Variants in HDAC9 observed in about 807,000 individuals in gnomAD.
The protein encoded by HDAC9 is MEF-2 interacting transcription repressor (MITR) protein.
Under a neutral mutation model 139.4 loss-of-function variants are expected in HDAC9, and 41 were observed. That is an observed-to-expected ratio of 0.29 (90% CI 0.23 to 0.38). The LOEUF (loss-of-function observed/expected upper bound fraction) is 0.38. Among genes scored for constraint, HDAC9 ranks in the 10% least tolerant of loss-of-function variants. The pLI is 1.00. For synonymous variants in HDAC9, 517 were observed against 476.2 expected, an observed-to-expected ratio of 1.09 and a Z score of -1.12; for missense variants, 1,147 against 1,297.0, an observed-to-expected ratio of 0.88 and a Z score of 1.78.
At chr7:18,851,586 T>C (rs931827436) in intron 21 of HDAC9, 16 of 152,222 alleles carry the variant, frequency 1.1e-4, no homozygotes, top group African/African-American at 3.9e-4. Flanking sequence ...TCTACGTTCG[T>C]ATTACCTCTT....
At chr7:18,497,460 T>G (rs539969502) in intron 2 of HDAC9, among the ~76,000 whole-genome samples, 1 of 152,268 alleles carries the variant, frequency 6.6e-6, no homozygotes, top group East Asian at 1.9e-4. Context: ...CTTGGTTAGT[T>G]ATGTTAATTT....
At chr7:18,526,235 T>A (rs1806872165) in intron 2 of HDAC9, among the ~76,000 whole-genome samples, 1 of 152,174 alleles carries the variant, frequency 6.6e-6, no homozygotes, top group Non-Finnish European at 1.5e-5. Context: ...ATTTGAGAAT[T>A]CTTGTGTCTT....
At chr7:18,681,768 G>C (rs376270458) in intron 12 of HDAC9, among the ~76,000 whole-genome samples, 25 of 151,996 alleles carry the variant, frequency 1.6e-4, no homozygotes, top group African/African-American at 4.6e-4. Context: ...AAGTCACACA[G>C]AGCATCCATT....
chr7:18,389,008 A>G (rs1786209121), intron 1 of HDAC9, among the ~76,000 whole-genome samples: 1 of 152,160 alleles, frequency 6.6e-6, no homozygotes, highest in Non-Finnish European at 1.5e-5. Flanking sequence ...TAAGAACATC[A>G]TGGCCTCTTG....
At chr7:18,440,420 A>G (rs958098728) in intron 1 of HDAC9, among the ~76,000 whole-genome samples, 3 of 152,016 alleles carry the variant, frequency 2.0e-5, no homozygotes, top group Admixed American at 6.6e-5. Context: ...CCTGACCACA[A>G]GTGCTCTGCC....
intron 22 of HDAC9, among the ~76,000 whole-genome samples, chr7:18,890,362 T>C (rs1800570651): frequency 6.6e-6 from 1 of 152,220 alleles, no homozygotes; most frequent in South Asian, 2.1e-4. Flanking sequence ...AAAACTGCTG[T>C]AATGAGCAAC....
chr7:18,886,938 C>T (rs186383656), intron 22 of HDAC9, among the ~76,000 whole-genome samples: 5 of 152,278 alleles, frequency 3.3e-5, no homozygotes, highest in African/African-American at 4.8e-5. Context: ...GCTTATGATT[C>T]ATCTTACAAA....
chr7:18,318,797 G>C (rs1799830257), intron 1 of HDAC9, among the ~76,000 whole-genome samples: 1 of 152,164 alleles, frequency 6.6e-6, no homozygotes, highest in South Asian at 2.1e-4. Flanking sequence ...GTTTCTTTAT[G>C]TGATAAGGGG....
intron 13 of HDAC9, among the ~76,000 whole-genome samples, chr7:18,748,777 G>A (rs1788197198): frequency 6.6e-6 from 1 of 152,034 alleles, no homozygotes; most frequent in Admixed American, 6.6e-5. Flanking sequence ...ACTAAACTAG[G>A]GTCTGAGTAC....
intron 24 of HDAC9, among the ~76,000 whole-genome samples, chr7:18,961,991 G>T (rs1186695138): frequency 6.6e-6 from 1 of 152,152 alleles, no homozygotes; most frequent in Non-Finnish European, 1.5e-5. Flanking sequence ...TTAAAATTAG[G>T]AATTTGGGAA....
intron 13 of HDAC9, among the ~76,000 whole-genome samples, chr7:18,733,159 G>C (rs546852904): frequency 4.8e-5 from 7 of 145,244 alleles, no homozygotes; most frequent in Middle Eastern, 3.8e-3. Flanking sequence ...ATATATACAC[G>C]TGTATACACA....
At chr7:18,149,699 C>G (rs1786621434) in intron 1 of HDAC9, among the ~76,000 whole-genome samples, 1 of 151,258 alleles carries the variant, frequency 6.6e-6, no homozygotes, top group Non-Finnish European at 1.5e-5. Flanking sequence ...TATAGGTGCC[C>G]ACCACCACGC....
chr7:18,912,014 T>C (rs1186405658), intron 22 of HDAC9, among the ~76,000 whole-genome samples: 1 of 152,080 alleles, frequency 6.6e-6, no homozygotes, highest in East Asian at 1.9e-4. Flanking sequence ...CTAGGTCTAG[T>C]GTAGATTAAA....
At chr7:18,765,260 C>T (rs957288284) in intron 15 of HDAC9, among the ~76,000 whole-genome samples, 4 of 152,032 alleles carry the variant, frequency 2.6e-5, no homozygotes, top group Admixed American at 6.6e-5. Context: ...AAATAAAACT[C>T]TCCCAAGTAG....
At chr7:18,574,036 C>T (rs534991333) in intron 2 of HDAC9, among the ~76,000 whole-genome samples, 7 of 152,336 alleles carry the variant, frequency 4.6e-5, no homozygotes, top group South Asian at 2.1e-4. Flanking sequence ...ATGAGGTATG[C>T]GGACAGCTGG....
At chr7:18,496,428 C>T (rs747008955) in intron 2 of HDAC9, 104 bp downstream of exon 2, 12 of 966,266 alleles carry the variant, frequency 1.2e-5, no homozygotes, top group Admixed American at 2.1e-5. Flanking sequence ...GCTGCTTTTT[C>T]GTGTTGATGT....
At chr7:18,269,058 G>A (rs1029965291) in intron 2 of HDAC9, among the ~76,000 whole-genome samples, 1 of 152,136 alleles carries the variant, frequency 6.6e-6, no homozygotes, top group Non-Finnish European at 1.5e-5. Flanking sequence ...CCATCATTAT[G>A]ATGAGTTTGC....
At chr7:18,229,429 A>C (rs1014884248) in intron 2 of HDAC9, among the ~76,000 whole-genome samples, 4 of 152,216 alleles carry the variant, frequency 2.6e-5, no homozygotes, top group African/African-American at 9.6e-5. Flanking sequence ...GGGATGCTGG[A>C]GTCACAACAC....
At chr7:18,840,148 CAGGTCTTAATGAAATAATTAA>C (rs1390913093) in intron 21 of HDAC9, among the ~76,000 whole-genome samples, 1 of 152,006 alleles carries the variant, frequency 6.6e-6, no homozygotes, top group Non-Finnish European at 1.5e-5. Flanking sequence ...TTCAATTTAG[CAGGTCTTAATGAAATAATTAA>C]AGTGACCCAT....
Sources: allele counts gnomAD v4.1 joint callset (sites outside exome capture counted in the v4.1 genomes callset), GRCh38; gene constraint gnomAD v4.1.1; transcripts MANE v1.5; gene names NCBI Gene and HGNC (gene_info 2026-07-23, HGNC 2026-07-21).